PRX: variants seen among roughly 807,000 people sequenced by gnomAD.
PRX encodes periaxin.
PRX carries 24 observed loss-of-function variants against 29.6 expected under a neutral mutation model. The observed-to-expected ratio is 0.81, with a 90% CI of 0.59 to 1.14. The LOEUF is 1.14. Among genes scored for constraint, PRX ranks in the 50% most tolerant of loss-of-function variants. The pLI is 0.00. For missense variants in PRX, 1,838 were observed against 1,926.4 expected, an observed-to-expected ratio of 0.95 and a Z score of 0.86; for synonymous variants, 772 against 831.7, an observed-to-expected ratio of 0.93 and a Z score of 1.24.
Position 40,398,829 on chromosome 19 carries a change from T to A in PRX, c.185-13A>T. ...AGCAGCTGGTCCCCTGCGGGCGAGG[T>A]GGAGGTGCGCAGCACGTGGGCATCT... On this transcript the variant is annotated splice_polypyrimidine_tract_variant and intron_variant, in intron 5 of 6. Coordinates refer to ENST00000324001, the MANE Select transcript of PRX (RefSeq NM_181882.3). The surrounding 1 kb of genome is among the most constrained non-coding windows in gnomAD (Gnocchi z 6.3). The A allele has an allele frequency of 3.7e-6, 6 of 1,613,824 alleles. No homozygotes were observed. The highest frequency in any genetic ancestry group is 1.1e-5 in the South Asian group (1 of 91,068).
intron 1 of PRX, among the ~76,000 whole-genome samples, chr19:40,412,370 C>T (rs2079562477): frequency 1.3e-5 from 2 of 152,172 alleles, no homozygotes; most frequent in Admixed American, 6.5e-5. Context: ...TCTCTGGGGC[C>T]TCAGTTTCTC....
chr19:40,399,712 A>AT (rs1178243839), intron 5 of PRX, among the ~76,000 whole-genome samples: 3 of 151,332 alleles, frequency 2.0e-5, no homozygotes, highest in Non-Finnish European at 4.4e-5. Context: ...CCTCTCCCTG[A>AT]TTTCTTTCTT....
At chr19:40,399,296 CCTT>C (rs2079471761) in intron 5 of PRX, among the ~76,000 whole-genome samples, 2 of 152,282 alleles carry the variant, frequency 1.3e-5, no homozygotes, top group Non-Finnish European at 2.9e-5. Context: ...CATCAGTTGT[CCTT>C]CTCGTCTACA....
chr19:40,394,862 C>T lies in PRX; in HGVS notation c.3490G>A (p.Gly1164Ser), dbSNP rs1381973432. Residue 1164 changes from glycine (G) to serine (S), a missense_variant, in exon 7 of 7, where the codon GGT (glycine) becomes AGT (serine). Gly to Ser is a moderately conservative substitution (Grantham distance 56). Around this residue, in one of 3 missense-constraint regions of PRX, gnomAD observed 1,143 missense variants for 1,193.0 expected, o/e 0.96. Coordinates refer to ENST00000324001, the MANE Select transcript of PRX (RefSeq NM_181882.3). This position sits in a 1 kb window ranked among gnomAD's most constrained non-coding sequence, Gnocchi z 5.8. ...CTCTGAGCCTGCTGCCCTGGGGTAC[C>T]TGCCTCCCCAAAGCCGGTCAGCTCC... ...QVELTGFGEA[G>S]TPGQQAQSTV... The T allele has an allele frequency of 6.2e-7, 1 of 1,612,226 alleles. No homozygotes were observed. The highest frequency in any genetic ancestry group is 1.7e-5 in the Admixed American group (1 of 60,022).
chr19:40,407,797 C>G (rs2079538858), intron 4 of PRX, 109 bp downstream of exon 4: 1 of 1,471,452 alleles, frequency 6.8e-7, no homozygotes, highest in African/African-American at 1.4e-5. Context: ...TTCCATTTCA[C>G]AGATGGAGAG....
Position 40,397,682 on chromosome 19 carries a change from C to T in PRX, c.670G>A (p.Ala224Thr). Residue 224 changes from alanine (A) to threonine (T), a missense_variant, in exon 7 of 7, where the codon GCT becomes ACT. This residue lies in a region of PRX where 666 missense variants were observed against 665.0 expected (regional missense o/e 1.00). Transcript: ENST00000324001. ...PRKAKVEAEV[A>T]AGARFTAPQV... ...GGGGCTGTGAAACGAGCTCCTGCAG[C>T]CACCTCAGCCTCCACCTTGGCTTTC... 6.4e-7 allele frequency: 1 copy of T among 1,558,118 alleles called. No individual in the cohort carries two copies. Among genetic ancestry groups the T allele is most frequent in the Non-Finnish European group, 8.6e-7 (1 of 1,157,464 alleles).
chr19:40,398,903 G>A lies in PRX; in HGVS notation c.185-87C>T, dbSNP rs2079468618. On this transcript the variant is annotated intron_variant, in intron 5 of 6. Transcript: ENST00000324001. This position sits in a 1 kb window ranked among gnomAD's most constrained non-coding sequence, Gnocchi z 6.3. ...CTGCCCACTTGCACGGAGCCCTCGC[G>A]GTGAGGACCCGCCCCAAATTTTAGT... 6.3e-6 allele frequency: 10 copies of A among 1,590,392 alleles called. No individual in the cohort carries two copies. The highest frequency in any genetic ancestry group is 4.1e-4 in the Middle Eastern group (2 of 4,920).
intron 5 of PRX, among the ~76,000 whole-genome samples, chr19:40,400,173 G>A (rs1338425433): frequency 1.3e-5 from 2 of 149,876 alleles, no homozygotes; most frequent in Admixed American, 6.6e-5. Context: ...GTAGAGACGG[G>A]GTTTCTCCAT....
Position 40,394,213 on chromosome 19 carries a change from C to A in PRX, c.4139G>T (p.Arg1380Leu). 1 of 1,598,506 alleles carries A rather than the reference C, an allele frequency of 6.3e-7. No homozygotes were observed. Among genetic ancestry groups the A allele is most frequent in the Non-Finnish European group, 8.5e-7 (1 of 1,169,618 alleles). The change falls in exon 7 of 7, where the codon CGT becomes CTT. Residue 1380 changes from arginine to leucine, a missense_variant. Physicochemically the swap from Arg to Leu is moderately radical, Grantham distance 102 (BLOSUM62 -2). Around this residue, in one of 3 missense-constraint regions of PRX, gnomAD observed 1,143 missense variants for 1,193.0 expected, o/e 0.96. Coordinates refer to ENST00000324001, the MANE Select transcript of PRX (RefSeq NM_181882.3). The surrounding 1 kb of genome is among the most constrained non-coding windows in gnomAD (Gnocchi z 5.8). Reference protein sequence around the residue: ...RRGRVRVRLPRVGLAAPSKAS... With the variant: ...RRGRVRVRLPLVGLAAPSKAS... Reference sequence around the variant, plus strand: ...TTTAGAAGGGGCCGCCAGGCCTACACGTGGCAAGCGGACCCGGACCCGGCC... The same window carrying A: ...TTTAGAAGGGGCCGCCAGGCCTACAAGTGGCAAGCGGACCCGGACCCGGCC...
intron 5 of PRX, among the ~76,000 whole-genome samples, chr19:40,400,523 C>T (rs1313329898): frequency 3.0e-5 from 4 of 132,948 alleles, no homozygotes; most frequent in African/African-American, 1.1e-4. Context: ...ACCCGGGAGG[C>T]GGAGGTTGCG....
intron 1 of PRX, among the ~76,000 whole-genome samples, chr19:40,409,765 C>T (rs574966243): frequency 9.2e-5 from 14 of 152,310 alleles, no homozygotes; most frequent in Middle Eastern, 6.8e-3. Flanking sequence ...AGCCACTGCA[C>T]CTGTCAGGCC....
intron 5 of PRX, among the ~76,000 whole-genome samples, chr19:40,399,067 C>T (rs145846786): frequency 6.6e-6 from 1 of 151,902 alleles, no homozygotes; most frequent in Non-Finnish European, 1.5e-5. Flanking sequence ...CCCATCCTTA[C>T]GTTTCAGATA....
At chr19:40,414,009 C>T (rs1025635824), upstream of PRX, among the ~76,000 whole-genome samples, 1 of 152,222 alleles carries the variant, frequency 6.6e-6, no homozygotes, top group Non-Finnish European at 1.5e-5. Flanking sequence ...AGGGGACCCC[C>T]AGTTCTCTGT....
At chr19:40,408,956 G>A (rs950056620) in intron 1 of PRX, among the ~76,000 whole-genome samples, 9 of 151,758 alleles carry the variant, frequency 5.9e-5, no homozygotes, top group Middle Eastern at 3.2e-3. Flanking sequence ...TCAGCCTCCC[G>A]AGTAGTTGGG....
chr19:40,403,007 T>C (rs2079506989), intron 5 of PRX, among the ~76,000 whole-genome samples: 2 of 150,614 alleles, frequency 1.3e-5, no homozygotes, highest in South Asian at 4.2e-4. Flanking sequence ...CCGTCTCTAC[T>C]AAAAATACAA....
At position 40,397,530 on chromosome 19, in the gene PRX, C is replaced by G; in HGVS notation, c.822G>C (p.Gly274=). The G allele has an allele frequency of 6.5e-7, 1 of 1,543,974 alleles. No individual in the cohort carries two copies. Among genetic ancestry groups the G allele is most frequent in the Non-Finnish European group, 8.7e-7 (1 of 1,146,362 alleles). Residue 274 remains glycine, a synonymous_variant, in exon 7 of 7, where the codon GGG becomes GGC. Transcript: ENST00000324001. ...CAGCAGGCGGAGCCGGGGCTCCGAG[C>G]CCAAGGGTTGGCAGGTGGAGGGCAA... ...GGFALHLPTL[G]LGAPAPPAVE...
intron 4 of PRX, among the ~76,000 whole-genome samples, chr19:40,404,448 G>C (rs2079519057): frequency 6.6e-6 from 1 of 152,056 alleles, no homozygotes; most frequent in African/African-American, 2.4e-5. Context: ...GCGGGTAGGA[G>C]GGGTAAGACA....
At position 40,397,027 on chromosome 19, in the gene PRX, ACTT is replaced by A; in HGVS notation, c.1322_1324del (p.Glu441del). 2 of 1,614,094 alleles carry A rather than the reference ACTT, an allele frequency of 1.2e-6. No individual in the cohort carries two copies. Among genetic ancestry groups the A allele is most frequent in the South Asian group, 1.1e-5 (1 of 91,088 alleles). Reference sequence around the variant, plus strand: ...GACCTCAGGAGCCTTGGGGAGCTTCACTTCAGGTCCCTTGGGCACCTTGACCTC... The same window carrying A: ...GACCTCAGGAGCCTTGGGGAGCTTCACAGGTCCCTTGGGCACCTTGACCTC... On this transcript the variant is annotated inframe_deletion, in exon 7 of 7. Transcript: ENST00000324001.
rs778721394 is a variant in PRX at position 40,395,588 on chromosome 19, C to CT, written c.2763dup (p.Glu922ArgfsTer14). The CT allele has an allele frequency of 4.3e-6, 7 of 1,614,220 alleles. No individual in the cohort carries two copies. The highest frequency in any genetic ancestry group is 5.9e-6 in the Non-Finnish European group (7 of 1,180,030). On this transcript the variant is annotated frameshift_variant, in exon 7 of 7. Transcript: ENST00000324001. LOFTEE classifies it low-confidence loss of function (END_TRUNC). Reference sequence around the variant, plus strand: ...TTGGAAGAGGGCTTGACTTTTGTCTCTATCATCTCCAGCCGCCCTTCCTCA... The same window carrying CT: ...TTGGAAGAGGGCTTGACTTTTGTCTCTTATCATCTCCAGCCGCCCTTCCTCA...
Sources: gnomAD v4.1 joint callset for allele counts (sites outside exome capture counted in the v4.1 genomes callset) on GRCh38, gnomAD v4.1.1 for gene constraint, gnomAD v4.1.1 regional missense constraint, Gnocchi (gnomAD v3.1) non-coding constraint, MANE v1.5 for transcripts, NCBI Gene and HGNC (gene_info 2026-07-23, HGNC 2026-07-21) for gene names.